PREX2: variants seen among roughly 807,000 people sequenced by gnomAD.
PREX2 encodes the protein phosphatidylinositol 3,4,5-trisphosphate-dependent Rac exchanger 2 protein.
In PREX2, 107 loss-of-function variants were observed where a neutral mutation model predicts 203.2. That is an observed-to-expected ratio of 0.53 (90% CI 0.45 to 0.62). PREX2 has a LOEUF of 0.62. PREX2 is among the 20% of genes least tolerant of loss of function. The probability of loss-of-function intolerance (pLI) is 0.00; values close to 1 mark genes in which losing one functional copy is unlikely to be tolerated. For synonymous variants in PREX2, 672 were observed against 663.6 expected, an observed-to-expected ratio of 1.01 and a Z score of -0.19; for missense variants, 1,777 against 1,955.9, an observed-to-expected ratio of 0.91 and a Z score of 1.72.
chr8:68,125,892 C>T (rs988656448), intron 30 of PREX2, among the ~76,000 whole-genome samples: 14 of 151,966 alleles, frequency 9.2e-5, no homozygotes, highest in African/African-American at 3.4e-4. Context: ...TGGCTAACGT[C>T]CCTCTCCCTA....
At chr8:67,995,262 C>A (rs951069094) in intron 1 of PREX2, among the ~76,000 whole-genome samples, 1 of 151,928 alleles carries the variant, frequency 6.6e-6, no homozygotes, top group African/African-American at 2.4e-5. Flanking sequence ...CTTTTTATTA[C>A]TGGTTTTAAT....
intron 5 of PREX2, among the ~76,000 whole-genome samples, chr8:68,029,499 G>A (rs537173799): frequency 1.3e-5 from 2 of 152,264 alleles, no homozygotes; most frequent in South Asian, 4.1e-4. Flanking sequence ...AACAAGGTGT[G>A]AACATAATGA....
intron 1 of PREX2, among the ~76,000 whole-genome samples, chr8:67,983,867 T>C (rs576358879): frequency 1.1e-3 from 175 of 152,280 alleles, no homozygotes; most frequent in African/African-American, 4.0e-3. Context: ...TTTTCACATC[T>C]GTAAGATGGG....
At chr8:68,154,558 C>A (rs1434781) in intron 34 of PREX2, among the ~76,000 whole-genome samples, 64,720 of 152,016 alleles carry the variant, frequency 0.43, 13,903 homozygotes, top group African/African-American at 0.45. Flanking sequence ...TTTACCTTTC[C>A]TAAATAGCAG....
chr8:68,000,622 A>T (rs1033173914), intron 1 of PREX2, among the ~76,000 whole-genome samples: 2 of 152,238 alleles, frequency 1.3e-5, no homozygotes, highest in Non-Finnish European at 2.9e-5. Flanking sequence ...GGAACCAAAA[A>T]ACAAGCTTGA....
intron 19 of PREX2, among the ~76,000 whole-genome samples, chr8:68,088,849 C>T (rs1470150452): frequency 6.6e-6 from 1 of 152,106 alleles, no homozygotes; most frequent in East Asian, 1.9e-4. Context: ...AGCTTAAAGC[C>T]TGAGTGAATC....
intron 10 of PREX2, 94 bp from the exon 11 acceptor site, chr8:68,060,585 T>TG: frequency 1.3e-6 from 1 of 768,012 alleles, no homozygotes; most frequent in Non-Finnish European, 2.2e-6. Context: ...TATTTTGAGA[T>TG]TCCTTTCATC....
At chr8:68,224,764 A>T in intron 39 of PREX2, 138 bp downstream of exon 39, 1 of 619,324 alleles carries the variant, frequency 1.6e-6, no homozygotes, top group Non-Finnish European at 2.9e-6. Flanking sequence ...CCCTTGAAAC[A>T]CCCAATGGCT....
intron 5 of PREX2, 116 bp downstream of exon 5, chr8:68,027,439 AGTATTGG>A: frequency 1.4e-6 from 1 of 691,898 alleles, no homozygotes; most frequent in African/African-American, 1.8e-5. Context: ...GTAGACCATA[AGTATTGG>A]AAAAAAGTGG....
intron 35 of PREX2, among the ~76,000 whole-genome samples, chr8:68,165,219 C>T (rs570435031): frequency 6.6e-6 from 1 of 152,118 alleles, no homozygotes; most frequent in African/African-American, 2.4e-5. Flanking sequence ...AATAATTCGT[C>T]TTGGTTTAAA....
chr8:68,092,056 C>A (rs970333000), intron 20 of PREX2, among the ~76,000 whole-genome samples: 3 of 152,150 alleles, frequency 2.0e-5, no homozygotes, highest in Non-Finnish European at 4.4e-5. Flanking sequence ...CTTTTGCTTC[C>A]CCTGTTCGTG....
chr8:68,118,961 A>G (rs1257169923), intron 27 of PREX2: 10 of 504,118 alleles, frequency 2.0e-5, no homozygotes, highest in African/African-American at 1.7e-4. Flanking sequence ...GGCATGGTTG[A>G]TGGGGATGGG....
intron 1 of PREX2, among the ~76,000 whole-genome samples, chr8:67,994,977 T>C (rs1806722689): frequency 6.6e-6 from 1 of 152,182 alleles, no homozygotes; most frequent in Non-Finnish European, 1.5e-5. Flanking sequence ...TAAAACCAAA[T>C]TTTAAGCATT....
At chr8:67,964,391 G>A (rs1805713622) in intron 1 of PREX2, among the ~76,000 whole-genome samples, 1 of 152,204 alleles carries the variant, frequency 6.6e-6, no homozygotes, top group Non-Finnish European at 1.5e-5. Flanking sequence ...ATATTGAGGG[G>A]CAAAGGGTCA....
intron 32 of PREX2, among the ~76,000 whole-genome samples, chr8:68,134,583 T>G (rs372264569): frequency 3.9e-5 from 6 of 152,190 alleles, no homozygotes; most frequent in African/African-American, 1.4e-4. Flanking sequence ...AAAAAGGGTC[T>G]TTCTGCTGCT....
At chr8:68,158,128 T>C (rs1489103361) in intron 35 of PREX2, among the ~76,000 whole-genome samples, 2 of 149,452 alleles carry the variant, frequency 1.3e-5, no homozygotes, top group East Asian at 1.9e-4. Context: ...TATATGTATA[T>C]ATATATACAC....
intron 35 of PREX2, among the ~76,000 whole-genome samples, chr8:68,188,908 T>A (rs1812242860): frequency 6.6e-6 from 1 of 152,138 alleles, no homozygotes; most frequent in Non-Finnish European, 1.5e-5. Context: ...TTACAAATAT[T>A]TATTAAGATC....
chr8:68,165,626 G>C (rs1811746234), intron 35 of PREX2, among the ~76,000 whole-genome samples: 1 of 152,038 alleles, frequency 6.6e-6, no homozygotes. Context: ...TGATGGGTAT[G>C]TACTGTTTAC....
At chr8:68,206,529 G>C (rs1450042551) in intron 37 of PREX2, among the ~76,000 whole-genome samples, 2 of 152,158 alleles carry the variant, frequency 1.3e-5, no homozygotes, top group East Asian at 3.9e-4. Context: ...CTTCTGATCT[G>C]TAAGAAATGG....
Sources: allele counts gnomAD v4.1 joint callset (sites outside exome capture counted in the v4.1 genomes callset), GRCh38; gene constraint gnomAD v4.1.1; transcripts MANE v1.5; gene names NCBI Gene and HGNC (gene_info 2026-07-23, HGNC 2026-07-21).